SLC35A3: variants seen among roughly 807,000 people sequenced by gnomAD.
SLC35A3 encodes UDP-N-acetylglucosamine transporter.
A neutral mutation model predicts 39.0 loss-of-function variants in SLC35A3; 26 were observed. That is an observed-to-expected ratio of 0.67 (90% CI 0.49 to 0.92). SLC35A3 has a LOEUF of 0.92. SLC35A3 is among the 40% of genes least tolerant of loss of function. The pLI is 0.00. For synonymous variants in SLC35A3, 135 were observed against 133.1 expected (o/e 1.01, Z -0.10); for missense variants, 299 against 371.6 (o/e 0.80, Z 1.61).
chr1:100,020,758 G>A (rs896767183), intron 7 of SLC35A3, among the ~76,000 whole-genome samples: 9 of 152,138 alleles, frequency 5.9e-5, no homozygotes, highest in African/African-American at 9.7e-5. Flanking sequence ...AGGGGAGTGA[G>A]TCTTGGAGAC....
At chr1:100,005,100 TA>T (rs1426775210) in intron 3 of SLC35A3, among the ~76,000 whole-genome samples, 13 of 152,316 alleles carry the variant, frequency 8.5e-5, no homozygotes, top group Admixed American at 7.2e-4. Context: ...ATGGTATTTT[TA>T]TCTGGCAGTT....
At chr1:100,009,944 T>C (rs1659503729) in intron 4 of SLC35A3, among the ~76,000 whole-genome samples, 1 of 152,220 alleles carries the variant, frequency 6.6e-6, no homozygotes, top group African/African-American at 2.4e-5. Flanking sequence ...TCAGTGCTTC[T>C]GTGAATCAGC....
chr1:100,001,876 C>T (rs990664983), intron 3 of SLC35A3, among the ~76,000 whole-genome samples: 8 of 152,044 alleles, frequency 5.3e-5, no homozygotes, highest in African/African-American at 1.9e-4. Context: ...TTTTATTCTT[C>T]ATTCTGTTGA....
chr1:99,999,670 A>G (rs1658632170), intron 3 of SLC35A3, among the ~76,000 whole-genome samples: 1 of 152,128 alleles, frequency 6.6e-6, no homozygotes, highest in African/African-American at 2.4e-5. Flanking sequence ...CTATGCTAAC[A>G]CTAGAACTTA....
Position 100,022,869 on chromosome 1 carries a change from T to C in SLC35A3, c.*393T>C, listed in dbSNP as rs1241023051. ...TTATCTTACTCTTTCTGTACAGATA[T>C]ATCAAATCACATGAAATATTTAAAG... On this transcript the variant is annotated 3_prime_UTR_variant, in exon 8 of 8. Transcript: ENST00000533028. 2 of 153,784 alleles carry C rather than the reference T, an allele frequency of 1.3e-5. No homozygotes were observed. The highest frequency in any genetic ancestry group is 6.5e-5 in the Admixed American group (1 of 15,304). The allele number at this position is 153,784 out of a possible 1,614,324, so 9.5% of individuals were successfully genotyped here.
chr1:100,010,139 T>C (rs534955119), intron 4 of SLC35A3, among the ~76,000 whole-genome samples: 37 of 152,212 alleles, frequency 2.4e-4, no homozygotes, highest in Non-Finnish European at 4.4e-4. Flanking sequence ...GATGACCCTA[T>C]TGAGGGTGAA....
chr1:99,999,520 T>C (rs1658624452), intron 3 of SLC35A3, 105 bp downstream of exon 3: 1 of 643,578 alleles, frequency 1.6e-6, no homozygotes, highest in Non-Finnish European at 2.6e-6. Context: ...ATGCATCCAA[T>C]GTGTAATGAT....
chr1:100,015,536 T>C, intron 6 of SLC35A3, 116 bp downstream of exon 6: 1 of 1,112,812 alleles, frequency 9.0e-7, no homozygotes, highest in African/African-American at 1.6e-5. Flanking sequence ...GTTAGTGCTC[T>C]CGTATCTAGT....
chr1:99,982,616 AG>A (rs1362648254), intron 1 of SLC35A3, among the ~76,000 whole-genome samples: 7 of 152,290 alleles, frequency 4.6e-5, no homozygotes, highest in South Asian at 4.1e-4. Context: ...TATAGATTTT[AG>A]TGTGTTTGAA....
chr1:99,981,568 C>T (rs1657449032), intron 1 of SLC35A3, among the ~76,000 whole-genome samples: 1 of 152,066 alleles, frequency 6.6e-6, no homozygotes, highest in Non-Finnish European at 1.5e-5. Context: ...CAACCTCCTC[C>T]TCCCAGGTTC....
Position 100,011,125 on chromosome 1 carries a change from A to G in SLC35A3, c.466-240A>G, listed in dbSNP as rs1439138651. On this transcript the variant is annotated intron_variant, in intron 4 of 7. Transcript: ENST00000533028. ...AAGGTAGCATTGGTCTCTGTAATAG[A>G]TGAAATGTAAAATATTTATTATTTC... Among the ~76,000 whole-genome samples, 3 of 152,348 alleles carry G rather than the reference A, an allele frequency of 2.0e-5. No individual in the cohort carries two copies. In the East Asian group the frequency reaches 5.8e-4, roughly 29 times the overall value.
chr1:99,975,195 C>T (rs1172931557), intron 1 of SLC35A3: 1 of 152,238 alleles, frequency 6.6e-6, no homozygotes, highest in Middle Eastern at 3.2e-3. Flanking sequence ...CCCACCTAAG[C>T]CTCCCAAAGT....
chr1:99,977,399 T>A (rs1001329157), intron 1 of SLC35A3, among the ~76,000 whole-genome samples: 10 of 146,124 alleles, frequency 6.8e-5, no homozygotes, highest in Non-Finnish European at 1.3e-4. Flanking sequence ...CTGGGCGTGG[T>A]GGCAGGTGCC....
At chr1:99,975,802 G>T (rs1327756730) in intron 1 of SLC35A3, among the ~76,000 whole-genome samples, 1 of 152,178 alleles carries the variant, frequency 6.6e-6, no homozygotes, top group Non-Finnish European at 1.5e-5. Flanking sequence ...ACTCATGCCT[G>T]TAATCCCAGC....
intron 3 of SLC35A3, 100 bp from the exon 4 acceptor site, chr1:100,006,934 G>A: frequency 3.0e-6 from 4 of 1,336,464 alleles, no homozygotes; most frequent in Non-Finnish European, 4.0e-6. Flanking sequence ...CAACCACCAG[G>A]CATGCTGCCA....
intron 1 of SLC35A3, chr1:99,970,574 C>T (rs1315714358): frequency 2.0e-6 from 3 of 1,535,892 alleles, no homozygotes; most frequent in South Asian, 2.4e-5. Context: ...GTGGTAGGCA[C>T]AGATGCACCC....
intron 7 of SLC35A3, 56 bp downstream of exon 7, chr1:100,017,871 A>G (rs1044884618): frequency 1.8e-6 from 2 of 1,129,336 alleles, no homozygotes; most frequent in Non-Finnish European, 2.5e-6. Context: ...AAAAATTAGA[A>G]TTCTTTGTAA....
rs981412028 is a variant in SLC35A3, at chr1:100,033,433, A to T, written c.*10957A>T. ...TATCCATCTCTTATAAGTAATTATT[A>T]TAAGTATTTTCTTAGTTTTCCAATT... On this transcript the variant is annotated 3_prime_UTR_variant, in exon 8 of 8. Coordinates refer to ENST00000533028, the MANE Select transcript of SLC35A3 (RefSeq NM_012243.3). 6 of 152,002 alleles carry T rather than the reference A, an allele frequency of 3.9e-5. No homozygotes were observed. Among genetic ancestry groups the T allele is most frequent in the African/African-American group, 1.5e-4 (6 of 41,378 alleles). 9.4% of individuals were successfully genotyped at this position (152,002 alleles called of 1,614,324 possible). A position where few individuals can be genotyped will look rare whatever the true frequency, so the allele number is the denominator to read the frequency against.
Position 100,011,370 on chromosome 1 carries a change from C to A in SLC35A3, c.471C>A (p.Pro157=). 2.7e-6 allele frequency: 4 copies of A among 1,492,700 alleles called. No individual in the cohort carries two copies. The highest frequency in any genetic ancestry group is 3.6e-6 in the Non-Finnish European group (4 of 1,109,310). The allele number at this position is 1,492,700 out of a possible 1,614,324, so 92.5% of individuals were successfully genotyped here. A position where few individuals can be genotyped will look rare whatever the true frequency, so the allele number is the denominator to read the frequency against. ...LMTGVAFVQW[P]SDSQLDSKEL... ...TTATTTTTCTTCTTATTTAGTGGCC[C>A]TCAGATTCTCAGCTTGATTCTAAGG... Residue 157 remains proline (P), a synonymous_variant, in exon 5 of 8, where the codon CCC becomes CCA. Coordinates refer to ENST00000533028, the MANE Select transcript of SLC35A3 (RefSeq NM_012243.3).
Sources: allele counts gnomAD v4.1 joint callset (sites outside exome capture counted in the v4.1 genomes callset), GRCh38; gene constraint gnomAD v4.1.1; transcripts MANE v1.5; gene names NCBI Gene and HGNC (gene_info 2026-07-23, HGNC 2026-07-21).